Variants in ZNF407 observed in about 807,000 individuals in gnomAD.
ZNF407 encodes zinc finger protein 407.
In ZNF407, 17 loss-of-function variants were observed where a neutral mutation model predicts 131.2. The observed-to-expected ratio is 0.13, with a 90% CI of 0.09 to 0.19. ZNF407 has a LOEUF of 0.19. Among genes scored for constraint, ZNF407 ranks in the 10% least tolerant of loss-of-function variants. The pLI is 1.00. For synonymous variants in ZNF407, 1,156 were observed against 1,062.0 expected (o/e 1.09, Z -1.72); for missense variants, 2,681 against 2,830.6 (o/e 0.95, Z 1.20).
chr18:74,779,109 A>ATATATATATATTTTTTTTTTTTTTTT (rs397943457), intron 3 of ZNF407, among the ~76,000 whole-genome samples: 1 of 24,376 alleles, frequency 4.1e-5, no homozygotes, highest in Non-Finnish European at 7.2e-5. Flanking sequence ...ATATATATAT[A>ATATATATATATTTTTTTTTTTTTTTT]TTTTTTTTTT....
Position 74,633,976 on chromosome 18 carries a change from T to C in ZNF407, c.2957T>C (p.Leu986Pro), listed in dbSNP as rs1984286977. ...SLDGEVNSHL[L>P]DKKEQISSEP... ...GATGGAGAAGTTAACAGCCATCTTC[T>C]TGATAAAAAGGAGCAAATATCTTCA... Residue 986 changes from leucine to proline, a missense_variant, in exon 2 of 9, where the codon CTT becomes CCT. By Grantham distance (98) the Leu-to-Pro change is moderately conservative (BLOSUM62 -3). Around this residue, in one of 6 missense-constraint regions of ZNF407, gnomAD observed 1,789 missense variants for 1,748.7 expected, o/e 1.02. Coordinates refer to ENST00000299687, the MANE Select transcript of ZNF407 (RefSeq NM_017757.3). 8 of 1,614,050 alleles carry C rather than the reference T, an allele frequency of 5.0e-6. No homozygotes were observed. The highest frequency in any genetic ancestry group is 6.8e-6 in the Non-Finnish European group (8 of 1,179,910).
intron 8 of ZNF407, among the ~76,000 whole-genome samples, chr18:75,008,880 A>T (rs1327205957): frequency 6.6e-6 from 1 of 152,232 alleles, no homozygotes. Flanking sequence ...CAGTGCATCT[A>T]GTGAATAGTT....
At chr18:74,964,580 GTTTT>G (rs35373107) in intron 8 of ZNF407, among the ~76,000 whole-genome samples, 2 of 118,616 alleles carry the variant, frequency 1.7e-5, no homozygotes, top group African/African-American at 3.1e-5. Context: ...TATCATCCGG[GTTTT>G]TTTTTTTTTT....
rs1268430364 is a variant in ZNF407, at chr18:74,962,751, G to A, written c.5428+42059G>A. Reference sequence around the variant, plus strand: ...AGTCAATTCTGAAACCCTTCTGAGTGGACACAGTGCCCTACCTACCTCCCT... The same window carrying A: ...AGTCAATTCTGAAACCCTTCTGAGTAGACACAGTGCCCTACCTACCTCCCT... On this transcript the variant is annotated intron_variant, in intron 8 of 8. Transcript: ENST00000299687. Among the ~76,000 whole-genome samples the A allele has an allele frequency of 2.4e-4, 36 of 152,240 alleles. 1 individual carries two copies. Among genetic ancestry groups the A allele is most frequent in the Non-Finnish European group, 2.9e-4 (20 of 68,042 alleles).
intron 8 of ZNF407, among the ~76,000 whole-genome samples, chr18:74,968,556 T>C (rs549183518): frequency 3.6e-4 from 55 of 152,330 alleles, no homozygotes; most frequent in Non-Finnish European, 4.3e-4. Flanking sequence ...TGAAATATAG[T>C]TTTGCCAGAC....
At chr18:74,687,142 G>A (rs1967113774) in intron 3 of ZNF407, among the ~76,000 whole-genome samples, 1 of 152,172 alleles carries the variant, frequency 6.6e-6, no homozygotes, top group African/African-American at 2.4e-5. Flanking sequence ...GAGGCTGGGA[G>A]TTTGAAACCA....
chr18:74,802,641 AATT>A (rs1217024337), intron 4 of ZNF407, among the ~76,000 whole-genome samples: 21 of 152,164 alleles, frequency 1.4e-4, no homozygotes, highest in Admixed American at 1.4e-3. Context: ...TTTTGTTAAC[AATT>A]GTTTGACGGA....
chr18:74,698,601 C>T (rs1166221264), intron 3 of ZNF407, among the ~76,000 whole-genome samples: 1 of 152,140 alleles, frequency 6.6e-6, no homozygotes, highest in African/African-American at 2.4e-5. Context: ...AGGGGACATT[C>T]ATGGTGTGTC....
intron 8 of ZNF407, among the ~76,000 whole-genome samples, chr18:74,946,812 C>A (rs1476966952): frequency 6.6e-6 from 1 of 151,952 alleles, no homozygotes; most frequent in African/African-American, 2.4e-5. Context: ...AATAACATGA[C>A]AGTCATAAGC....
intron 8 of ZNF407, among the ~76,000 whole-genome samples, chr18:75,049,894 C>T (rs1174010394): frequency 6.6e-6 from 1 of 152,178 alleles, no homozygotes; most frequent in Non-Finnish European, 1.5e-5. Flanking sequence ...CATATTATTA[C>T]CGTTCTTTGC....
At chr18:74,630,202 G>A (rs1214375689) in intron 1 of ZNF407, among the ~76,000 whole-genome samples, 7 of 136,010 alleles carry the variant, frequency 5.1e-5, no homozygotes, top group Admixed American at 8.2e-5. Flanking sequence ...ACGGAGTCTC[G>A]CTCTGTCGCC....
chr18:74,758,798 T>G (rs1291866382), intron 3 of ZNF407, among the ~76,000 whole-genome samples: 1 of 152,106 alleles, frequency 6.6e-6, no homozygotes, highest in Non-Finnish European at 1.5e-5. Flanking sequence ...CAGGCTGGTC[T>G]CGAACTCCTG....
chr18:74,743,397 G>C (rs1333890322), intron 3 of ZNF407, among the ~76,000 whole-genome samples: 2 of 152,034 alleles, frequency 1.3e-5, no homozygotes, highest in African/African-American at 4.8e-5. Flanking sequence ...ATGTACACAA[G>C]ATGTCTCGAT....
intron 3 of ZNF407, among the ~76,000 whole-genome samples, chr18:74,642,441 C>T (rs1984766766): frequency 6.6e-6 from 1 of 152,078 alleles, no homozygotes; most frequent in Admixed American, 6.6e-5. Context: ...TGAAAATTTG[C>T]TATTAGGTGG....
Position 74,631,571 on chromosome 18 carries a change from A to G in ZNF407, c.552A>G (p.Thr184=). 2 of 1,613,776 alleles carry G rather than the reference A, an allele frequency of 1.2e-6. No homozygotes were observed. The highest frequency in any genetic ancestry group is 1.7e-6 in the Non-Finnish European group (2 of 1,179,912). The change falls in exon 2 of 9, where the codon ACA becomes ACG. Residue 184 remains threonine, a synonymous_variant. Transcript: ENST00000299687. ...GTTGTACCATTGGGAATGTAGATAC[A>G]GTTCTCAAATGCAGCATCTGTGGGC... ...SVSCTIGNVD[T]VLKCSICGHL... is the part of the protein sequence containing the mutation.
chr18:75,060,504 T>C lies in ZNF407; in HGVS notation c.5429-2646T>C, dbSNP rs566596147. On this transcript the variant is annotated intron_variant, in intron 8 of 8. Transcript: ENST00000299687. ...GCAGCTCTTTTCTTTTTTTTCTTTT[T>C]TTCTTTTTTTTTTTTTTTTGCGACG... 8.2e-5 allele frequency among the ~76,000 whole-genome samples: 5 copies of C among 61,084 alleles called. No homozygotes were observed. In the East Asian group the frequency reaches 2.7e-3, roughly 33 times the overall value. The allele number at this position is 61,084 out of a possible 152,430, so 40.1% of individuals were successfully genotyped here. A position where few individuals can be genotyped will look rare whatever the true frequency, so the allele number is the denominator to read the frequency against.
At chr18:75,002,076 T>C (rs757499848) in intron 8 of ZNF407, among the ~76,000 whole-genome samples, 2 of 151,882 alleles carry the variant, frequency 1.3e-5, no homozygotes, top group Non-Finnish European at 2.9e-5. Flanking sequence ...ACCAAGAGAG[T>C]GGGCCTATGA....
At chr18:75,040,374 C>A (rs1973359040) in intron 8 of ZNF407, among the ~76,000 whole-genome samples, 1 of 152,034 alleles carries the variant, frequency 6.6e-6, no homozygotes, top group Non-Finnish European at 1.5e-5. Context: ...CGGGTTGATT[C>A]CCCATGTTTA....
At chr18:74,776,498 C>T (rs765346952) in intron 3 of ZNF407, among the ~76,000 whole-genome samples, 10 of 152,136 alleles carry the variant, frequency 6.6e-5, no homozygotes, top group African/African-American at 1.4e-4. Flanking sequence ...TCCATTTCAC[C>T]GTGCTAATCA....
Sources: gnomAD v4.1 joint callset for allele counts (sites outside exome capture counted in the v4.1 genomes callset) on GRCh38, gnomAD v4.1.1 for gene constraint, gnomAD v4.1.1 regional missense constraint, MANE v1.5 for transcripts, NCBI Gene and HGNC (gene_info 2026-07-23, HGNC 2026-07-21) for gene names.